Variants in ZNF276 observed in about 807,000 individuals in gnomAD.
The protein encoded by ZNF276 is zinc finger protein 276.
A neutral mutation model predicts 63.9 loss-of-function variants in ZNF276; 59 were observed. The ratio of observed to expected loss-of-function variants is 0.92; its 90% CI spans 0.75 to 1.15. The LOEUF (loss-of-function observed/expected upper bound fraction) is 1.15, where lower values mean the gene tolerates loss of function less well. ZNF276 is among the 50% of genes most tolerant of loss of function. ZNF276 has a pLI of 0.00. For missense variants in ZNF276, 1,084 were observed against 843.8 expected (o/e 1.28, Z -3.53); for synonymous variants, 496 against 348.4 (o/e 1.42, Z -4.72).
intron 6 of ZNF276, chr16:89,732,616 C>G (rs1436383389): frequency 4.7e-6 from 1 of 212,162 alleles, no homozygotes; most frequent in African/African-American, 2.4e-5. Flanking sequence ...CCTGCTGTAC[C>G]CTGTGCCCTC....
intron 5 of ZNF276, among the ~76,000 whole-genome samples, chr16:89,728,669 T>C (rs998167622): frequency 6.6e-6 from 1 of 152,154 alleles, no homozygotes; most frequent in Non-Finnish European, 1.5e-5. Context: ...CCCAAAGTGC[T>C]GGGATTACAG....
chr16:89,731,339 C>T (rs773041883), intron 6 of ZNF276, among the ~76,000 whole-genome samples: 46 of 152,198 alleles, frequency 3.0e-4, no homozygotes, highest in Non-Finnish European at 4.3e-4. Context: ...CTGCAACCTC[C>T]GCCTCCCGAG....
Position 89,723,281 on chromosome 16 carries a change from C to T in ZNF276, c.578C>T (p.Pro193Leu), listed in dbSNP as rs778132037. 6.2e-7 allele frequency: 1 copy of T among 1,613,072 alleles called. No individual in the cohort carries two copies. The highest frequency in any genetic ancestry group is 8.5e-7 in the Non-Finnish European group (1 of 1,179,958). ...GCAGTGGATCTGATCACATCCAGCC[C>T]CCAGTGCCTGCACGGCTTGGTGGGG... is the stretch of plus-strand genomic sequence containing the variant. ...ACLVDLITSSPQCLHGLVGWV... is the reference protein window; with the variant it reads ...ACLVDLITSSLQCLHGLVGWV... Residue 193 changes from proline (P) to leucine (L), a missense_variant, in exon 4 of 11, where the codon CCC becomes CTC. By Grantham distance (98) the Pro-to-Leu change is moderately conservative (BLOSUM62 -3). Transcript: ENST00000443381.
At chr16:89,728,504 C>T (rs563000386) in intron 5 of ZNF276, among the ~76,000 whole-genome samples, 9 of 152,166 alleles carry the variant, frequency 5.9e-5, no homozygotes, top group East Asian at 5.8e-4. Context: ...CCCGGGTTCA[C>T]GCCATTCTCC....
In ZNF276 at chr16:89,723,666, G is replaced by C. The variant is rs762684059; in HGVS notation, c.963G>C (p.Ser321=). ...ACAGCGACGCGGTGGGGCCCAGGTC[G>C]GGCTTCCCACCTCAGCCAAGCCTGC... ...PSDSDAVGPR[S]GFPPQPSLPL... is the part of the protein sequence containing the mutation. Residue 321 remains serine, a synonymous_variant, in exon 4 of 11, where the codon TCG becomes TCC. Coordinates refer to ENST00000443381, the MANE Select transcript of ZNF276 (RefSeq NM_001113525.2). 6 of 1,612,196 alleles carry C rather than the reference G, an allele frequency of 3.7e-6. No individual in the cohort carries two copies. The South Asian group carries it at 6.6e-5, about 18-fold the overall frequency.
intron 9 of ZNF276, among the ~76,000 whole-genome samples, chr16:89,734,624 A>G (rs2061788076): frequency 6.7e-6 from 1 of 150,372 alleles, no homozygotes; most frequent in South Asian, 2.1e-4. Flanking sequence ...GGCCCAAACA[A>G]GTGTATCTTA....
intron 9 of ZNF276, among the ~76,000 whole-genome samples, chr16:89,736,005 C>G (rs1335548124): frequency 6.6e-6 from 1 of 151,988 alleles, no homozygotes; most frequent in Non-Finnish European, 1.5e-5. Context: ...CATTCTCCTG[C>G]CTCAGCCTCC....
intron 8 of ZNF276, among the ~76,000 whole-genome samples, 153 bp downstream of exon 8, chr16:89,733,710 C>T (rs547366263): frequency 1.3e-5 from 2 of 152,290 alleles, no homozygotes; most frequent in Admixed American, 1.3e-4. Context: ...CCAGTGCCAT[C>T]CTTGGGGGTA....
intron 9 of ZNF276, among the ~76,000 whole-genome samples, chr16:89,735,130 C>CA (rs567350382): frequency 0.029 from 4,290 of 149,136 alleles, 81 homozygotes; most frequent in Middle Eastern, 0.09. Context: ...GACACTGTCT[C>CA]AAAAAAAAAA....
At chr16:89,726,623 AC>A (rs1248876919) in intron 4 of ZNF276, among the ~76,000 whole-genome samples, 1 of 148,830 alleles carries the variant, frequency 6.7e-6, no homozygotes, top group African/African-American at 2.5e-5. Context: ...GAGCCACTGC[AC>A]CCGGACTGAG....
At chr16:89,724,620 C>G (rs1337363164) in intron 4 of ZNF276, among the ~76,000 whole-genome samples, 2 of 152,208 alleles carry the variant, frequency 1.3e-5, no homozygotes, top group African/African-American at 2.4e-5. Flanking sequence ...GTACTCCAGC[C>G]TGGGTGACAG....
In ZNF276 at chr16:89,738,193, C is replaced by G. The variant is rs1357195517; in HGVS notation, c.1792C>G (p.Pro598Ala). 2 of 1,611,478 alleles carry G rather than the reference C, an allele frequency of 1.2e-6. No homozygotes were observed. Among genetic ancestry groups the G allele is most frequent in the South Asian group, 1.1e-5 (1 of 90,870 alleles). ...GGAGGCGGAACCACCACCTGGGCCA[C>G]CGAGCCCCTCTGTGACCACAGAGGG... ...PLEAEPPPGP[P>A]SPSVTTEGQA... Residue 598 changes from proline to alanine, a missense_variant, in exon 11 of 11, where the codon CCG (proline) becomes GCG (alanine). Physicochemically the swap from Pro to Ala is conservative, Grantham distance 27. Coordinates refer to ENST00000443381, the MANE Select transcript of ZNF276 (RefSeq NM_001113525.2).
At chr16:89,736,865 G>A (rs1183011341) in intron 9 of ZNF276, among the ~76,000 whole-genome samples, 2 of 148,910 alleles carry the variant, frequency 1.3e-5, no homozygotes, top group African/African-American at 4.9e-5. Flanking sequence ...AGATTGGGCT[G>A]TTGCACTCCA....
rs1436768029 is a variant in ZNF276 at position 89,739,141 on chromosome 16, T to G, written c.*895T>G. 1.2e-6 allele frequency: 2 copies of G among 1,614,134 alleles called. No homozygotes were observed. The highest frequency in any genetic ancestry group is 1.7e-6 in the Non-Finnish European group (2 of 1,180,020). On this transcript the variant is annotated 3_prime_UTR_variant, in exon 11 of 11. Coordinates refer to ENST00000443381, the MANE Select transcript of ZNF276 (RefSeq NM_001113525.2). ...CTGGCCCTTGCACCTGCCTGACCCT[T>G]GAGCTCCAGGCTCCTGCCAGCTGGA...
chr16:89,723,632 C>T lies in ZNF276; in HGVS notation c.929C>T (p.Pro310Leu). ...CTGCCCAGCACGGATGTGGCCCAGC[C>T]TCCTTCGGACAGCGACGCGGTGGGG... is the stretch of plus-strand genomic sequence containing the variant. ...KTLPSTDVAQ[P>L]PSDSDAVGPR... Residue 310 changes from proline to leucine, a missense_variant, in exon 4 of 11, where the codon CCT becomes CTT. Physicochemically the swap from Pro to Leu is moderately conservative, Grantham distance 98. Transcript: ENST00000443381. 1.9e-6 allele frequency: 3 copies of T among 1,612,724 alleles called. No individual in the cohort carries two copies. The highest frequency in any genetic ancestry group is 1.7e-5 in the Admixed American group (1 of 60,022).
chr16:89,720,917 G>A (rs895702157), upstream of ZNF276: 104 of 1,261,114 alleles, frequency 8.2e-5, no homozygotes, highest in Non-Finnish European at 9.5e-5. Flanking sequence ...GGCGACCGGA[G>A]GCCCGGAACG....
In ZNF276 at chr16:89,739,269, T is replaced by C. The variant is rs778544563; in HGVS notation, c.*1023T>C. 7 of 1,614,132 alleles carry C rather than the reference T, an allele frequency of 4.3e-6. No homozygotes were observed. In the Admixed American group the frequency reaches 1.2e-4, roughly 27 times the overall value. ...GGCCTCTTCCCTGATGGCCGCGTCTTCATGGAAGTAGGAGAGAAGACTAGA... is the reference window on the plus strand; with the variant it reads ...GGCCTCTTCCCTGATGGCCGCGTCTCCATGGAAGTAGGAGAGAAGACTAGA... On this transcript the variant is annotated 3_prime_UTR_variant, in exon 11 of 11. Transcript: ENST00000443381.
chr16:89,724,154 T>C (rs891691547), intron 4 of ZNF276, among the ~76,000 whole-genome samples: 16 of 152,180 alleles, frequency 1.1e-4, no homozygotes, highest in African/African-American at 3.9e-4. Flanking sequence ...TGTGGGCCAG[T>C]GTGGCGCAGC....
In ZNF276 at chr16:89,738,460, T is replaced by C; in HGVS notation, c.*214T>C. The C allele has an allele frequency of 7.0e-7, 1 of 1,436,202 alleles. No individual in the cohort carries two copies. Among genetic ancestry groups the C allele is most frequent in the Non-Finnish European group, 9.6e-7 (1 of 1,046,166 alleles). 89.0% of individuals were successfully genotyped at this position (1,436,202 alleles called of 1,614,324 possible). The stretch of plus-strand genomic sequence containing the variant: ...CGCTGAGTGACTCGGGGCCGGACAG[T>C]TCATAAATAATTGATTCCTTTCCCC... On this transcript the variant is annotated 3_prime_UTR_variant, in exon 11 of 11. Transcript: ENST00000443381.
Sources: allele counts gnomAD v4.1 joint callset (sites outside exome capture counted in the v4.1 genomes callset), GRCh38; gene constraint gnomAD v4.1.1; transcripts MANE v1.5; gene names NCBI Gene and HGNC (gene_info 2026-07-23, HGNC 2026-07-21).